MDM1: variants seen among roughly 807,000 people sequenced by gnomAD.
The protein encoded by MDM1 is stabilizer of axonemal microtubules 6, also known as Mdm1 nuclear protein.
MDM1 carries 61 observed loss-of-function variants against 89.1 expected under a neutral mutation model. The ratio of observed to expected loss-of-function variants is 0.68; its 90% CI spans 0.56 to 0.85. MDM1 has a LOEUF of 0.85. Among genes scored for constraint, MDM1 ranks in the 40% least tolerant of loss-of-function variants. The pLI, the probability that MDM1 is intolerant of heterozygous loss-of-function variation, is 0.00. For synonymous variants in MDM1, 290 were observed against 294.1 expected, an observed-to-expected ratio of 0.99 and a Z score of 0.14; for missense variants, 820 against 846.5, an observed-to-expected ratio of 0.97 and a Z score of 0.39.
intron 3 of MDM1, 156 bp from the exon 4 acceptor site, chr12:68,325,731 G>C: frequency 7.9e-7 from 1 of 1,266,968 alleles, no homozygotes; most frequent in Non-Finnish European, 1.0e-6. Context: ...TTGTGGTACA[G>C]CAAACTTTCT....
chr12:68,328,885 C>T (rs901458114), intron 2 of MDM1, among the ~76,000 whole-genome samples: 1 of 152,152 alleles, frequency 6.6e-6, no homozygotes, highest in Admixed American at 6.5e-5. Flanking sequence ...TGCTCAGTCC[C>T]TCCCCATGAC....
chr12:68,322,932 G>T (rs1875426663), intron 5 of MDM1, 141 bp downstream of exon 5: 1 of 727,416 alleles, frequency 1.4e-6, no homozygotes. Flanking sequence ...CCTAGTAGCT[G>T]GCTCAATGAA....
At position 68,321,433 on chromosome 12, in the gene MDM1, C is replaced by T. The variant is rs199978839; in HGVS notation, c.919G>A (p.Glu307Lys). 75 of 1,613,436 alleles carry T rather than the reference C, an allele frequency of 4.6e-5. 1 individual carries two copies. In the Admixed American group the frequency reaches 5.0e-4, roughly 11 times the overall value. Residue 307 changes from glutamate (E) to lysine (K), a missense_variant, in exon 7 of 15, where the codon GAA (glutamate) becomes AAA (lysine). Physicochemically the swap from Glu to Lys is moderately conservative, Grantham distance 56. Transcript: ENST00000682720. ...KHQRLGKVNSEYRAKFLSPAQ... is the reference protein window; with the variant it reads ...KHQRLGKVNSKYRAKFLSPAQ... Reference sequence around the variant, plus strand: ...GGGCTCAGAAATTTTGCTCTATATTCGGAATTCACCTTCCTAATAGAAATG... The same window carrying T: ...GGGCTCAGAAATTTTGCTCTATATTTGGAATTCACCTTCCTAATAGAAATG...
chr12:68,298,564 A>T (rs1439950691), intron 13 of MDM1, among the ~76,000 whole-genome samples: 1 of 152,154 alleles, frequency 6.6e-6, no homozygotes, highest in African/African-American at 2.4e-5. Flanking sequence ...GGAACACTTT[A>T]GGGTGACTGC....
Position 68,331,806 on chromosome 12 carries a change from C to A in MDM1, c.18+422G>T, listed in dbSNP as rs181983917. Among the ~76,000 whole-genome samples the A allele has an allele frequency of 2.7e-3, 406 of 152,352 alleles. 1 individual carries two copies. Among genetic ancestry groups the A allele is most frequent in the Middle Eastern group, 0.01 (3 of 294 alleles). ...TGAAAAACGTGTATTTCTTTATACG[C>A]TGTCTTTACTAAGAACCCATTTCTC... On this transcript the variant is annotated intron_variant, in intron 1 of 14. Transcript: ENST00000682720.
At position 68,332,173 on chromosome 12, in the gene MDM1, C is replaced by T. The variant is rs1876929167; in HGVS notation, c.18+55G>A. 2.7e-6 allele frequency: 4 copies of T among 1,504,686 alleles called. No individual in the cohort carries two copies. The Admixed American group carries it at 8.8e-5, about 33-fold the overall frequency. The allele number at this position is 1,504,686 out of a possible 1,614,324, so 93.2% of individuals were successfully genotyped here. A position where few individuals can be genotyped will look rare whatever the true frequency, so the allele number is the denominator to read the frequency against. On this transcript the variant is annotated intron_variant, in intron 1 of 14. Coordinates refer to ENST00000682720, the MANE Select transcript of MDM1 (RefSeq NM_001354969.2). ...GCAGCGTGACCTCGGCGCTCCACACCTCCCCGGCCATGGCTCCCCCCAGCC... is the reference window on the plus strand; with the variant it reads ...GCAGCGTGACCTCGGCGCTCCACACTTCCCCGGCCATGGCTCCCCCCAGCC...
At chr12:68,316,486 C>T (rs888048186) in intron 8 of MDM1, 95 bp downstream of exon 8, 1 of 1,058,526 alleles carries the variant, frequency 9.4e-7, no homozygotes, top group Non-Finnish European at 1.4e-6. Flanking sequence ...AAATTCATAG[C>T]AGCTAAGAAA....
intron 12 of MDM1, among the ~76,000 whole-genome samples, chr12:68,307,114 T>A (rs1305929655): frequency 2.0e-5 from 3 of 152,198 alleles, no homozygotes; most frequent in Non-Finnish European, 4.4e-5. Context: ...ATACTGCATA[T>A]TCTCATTTAT....
rs146478676 is a variant in MDM1 at position 68,309,358 on chromosome 12, T to C, written c.1749+4085A>G. On this transcript the variant is annotated intron_variant, in intron 12 of 14. Coordinates refer to ENST00000682720, the MANE Select transcript of MDM1 (RefSeq NM_001354969.2). ...TTATGAGTTTTTCAAAGAAGCATCA[T>C]TGACTTCCAAGAAGGTTTCTGATCT... Among the ~76,000 whole-genome samples, 8 of 152,360 alleles carry C rather than the reference T, an allele frequency of 5.3e-5. No individual in the cohort carries two copies. The East Asian group carries it at 1.3e-3, about 26-fold the overall frequency.
intron 3 of MDM1, chr12:68,326,162 T>C (rs536505267): frequency 3.9e-6 from 4 of 1,037,446 alleles, no homozygotes; most frequent in Non-Finnish European, 4.6e-6. Context: ...CACAGGGACC[T>C]GCTGCAGGCC....
rs1202479578 is a variant in MDM1, at chr12:68,315,136, G to A, written c.1341C>T (p.Pro447=). 1.9e-5 allele frequency: 30 copies of A among 1,613,974 alleles called. No homozygotes were observed. The highest frequency in any genetic ancestry group is 2.4e-5 in the Non-Finnish European group (28 of 1,180,044). The change falls in exon 10 of 15, where the codon CCC becomes CCT. Residue 447 remains proline (P), a synonymous_variant. Coordinates refer to ENST00000682720, the MANE Select transcript of MDM1 (RefSeq NM_001354969.2). ...TATCCCAAGCCAGCCGCCTTCTAAC[G>A]GGTATGGTGGGAGCTGACACACCCA... ...EKLGVSAPTI[P]VRRRLAWDTE... is the part of the protein sequence containing the mutation.
intron 10 of MDM1, among the ~76,000 whole-genome samples, chr12:68,314,165 A>G (rs1378624388): frequency 6.6e-6 from 1 of 152,004 alleles, no homozygotes; most frequent in Non-Finnish European, 1.5e-5. Context: ...CTTGTAAGAG[A>G]AGGCCATTTT....
intron 5 of MDM1, 34 bp from the exon 6 acceptor site, chr12:68,321,662 A>C (rs201923242): frequency 7.3e-7 from 1 of 1,375,796 alleles, no homozygotes; most frequent in Non-Finnish European, 1.0e-6. Flanking sequence ...TTTTATGCTT[A>C]AGATGTTACA....
At chr12:68,319,578 T>G (rs1361609956) in intron 7 of MDM1, among the ~76,000 whole-genome samples, 1 of 152,196 alleles carries the variant, frequency 6.6e-6, no homozygotes, top group Non-Finnish European at 1.5e-5. Context: ...TTCCAAGAGA[T>G]ATAAGTAAAA....
At chr12:68,329,886 TG>T (rs1876540711) in intron 2 of MDM1, among the ~76,000 whole-genome samples, 1 of 152,242 alleles carries the variant, frequency 6.6e-6, no homozygotes, top group Admixed American at 6.5e-5. Context: ...ACATGACCTC[TG>T]AAATTACATG....
intron 9 of MDM1, 54 bp downstream of exon 9, chr12:68,316,024 T>G: frequency 6.9e-7 from 1 of 1,455,780 alleles, no homozygotes; most frequent in Non-Finnish European, 9.3e-7. Context: ...TATCATTCTA[T>G]GATCTACATA....
chr12:68,325,323 T>C, intron 4 of MDM1, 118 bp downstream of exon 4: 1 of 1,372,016 alleles, frequency 7.3e-7, no homozygotes, highest in South Asian at 2.3e-5. Context: ...TTTGGTTTTC[T>C]AGAACCTACC....
At chr12:68,317,522 T>A (rs954358885) in intron 7 of MDM1, among the ~76,000 whole-genome samples, 1 of 152,108 alleles carries the variant, frequency 6.6e-6, no homozygotes, top group African/African-American at 2.4e-5. Context: ...TCTAGGGAAT[T>A]GGCCAAAGCA....
intron 13 of MDM1, among the ~76,000 whole-genome samples, chr12:68,300,900 G>A (rs946484971): frequency 6.6e-6 from 1 of 152,094 alleles, no homozygotes; most frequent in African/African-American, 2.4e-5. Flanking sequence ...TTCCAAAATA[G>A]ACCACATGAC....
Sources: gnomAD v4.1 joint callset for allele counts (sites outside exome capture counted in the v4.1 genomes callset) on GRCh38, gnomAD v4.1.1 for gene constraint, MANE v1.5 for transcripts, NCBI Gene and HGNC (gene_info 2026-07-23, HGNC 2026-07-21) for gene names.